The following ST6GALNAC3 variants were observed in gnomAD, a reference collection of about 807,000 sequenced individuals.
The protein encoded by ST6GALNAC3 is alpha-N-acetylgalactosaminide alpha-2,6-sialyltransferase 3.
A neutral mutation model predicts 32.7 loss-of-function variants in ST6GALNAC3; 25 were observed. That is an observed-to-expected ratio of 0.76 (90% CI 0.56 to 1.07). The LOEUF is 1.07. ST6GALNAC3 is among the 50% of genes least tolerant of loss of function. ST6GALNAC3 has a pLI of 0.00. For missense variants in ST6GALNAC3, 355 were observed against 382.4 expected (o/e 0.93, Z 0.60); for synonymous variants, 129 against 133.1 (o/e 0.97, Z 0.21).
chr1:76,369,211 C>T (rs1570989420), intron 2 of ST6GALNAC3, among the ~76,000 whole-genome samples: 1 of 152,024 alleles, frequency 6.6e-6, no homozygotes, highest in East Asian at 1.9e-4. Flanking sequence ...GGAAGACTTA[C>T]TTCCCAGGAA....
Position 76,343,745 on chromosome 1 carries a change from A to G in ST6GALNAC3, c.213+29746A>G, listed in dbSNP as rs148494043. On this transcript the variant is annotated intron_variant, in intron 2 of 4. Transcript: ENST00000328299. ...CAAAACAAGTCCTTCTAGCTTCAAA[A>G]TGCTTTGATATTCTTTGTCTTTTAT... Among the ~76,000 whole-genome samples, 924 of 152,342 alleles carry G rather than the reference A, an allele frequency of 6.1e-3. 4 individuals are homozygous for G. Among genetic ancestry groups the G allele is most frequent in the African/African-American group, 0.021 (877 of 41,590 alleles).
At chr1:76,394,303 C>A (rs1652779798) in intron 2 of ST6GALNAC3, among the ~76,000 whole-genome samples, 1 of 152,050 alleles carries the variant, frequency 6.6e-6, no homozygotes, top group South Asian at 2.1e-4. Flanking sequence ...TCTTAAAATA[C>A]CTTAAGTCTT....
chr1:76,206,719 G>A (rs1010160521), intron 1 of ST6GALNAC3, among the ~76,000 whole-genome samples: 10 of 151,634 alleles, frequency 6.6e-5, no homozygotes, highest in African/African-American at 1.2e-4. Flanking sequence ...GCGATAGAGC[G>A]AGACTCTGTC....
intron 1 of ST6GALNAC3, among the ~76,000 whole-genome samples, chr1:76,158,822 C>A (rs1352127060): frequency 6.6e-6 from 1 of 152,124 alleles, no homozygotes; most frequent in Non-Finnish European, 1.5e-5. Context: ...GTAATGTGAA[C>A]CATACACTCC....
intron 1 of ST6GALNAC3, among the ~76,000 whole-genome samples, chr1:76,171,808 A>AAAC (rs202123836): frequency 5.5e-5 from 5 of 90,468 alleles, no homozygotes; most frequent in African/African-American, 1.9e-4. Context: ...TAGCCTACCA[A>AAAC]AACAACAACA....
intron 1 of ST6GALNAC3, among the ~76,000 whole-genome samples, chr1:76,284,945 T>G (rs1659695124): frequency 6.6e-6 from 1 of 152,008 alleles, no homozygotes; most frequent in South Asian, 2.1e-4. Context: ...AGGGTGTGGA[T>G]AGGTGTTTCT....
At chr1:76,454,856 T>C (rs1487735045) in intron 3 of ST6GALNAC3, among the ~76,000 whole-genome samples, 1 of 24,688 alleles carries the variant, frequency 4.1e-5, no homozygotes, top group Non-Finnish European at 1.3e-4. Context: ...AGTTTGAATA[T>C]GGAGTCTCTA....
At chr1:76,435,338 T>G (rs1189024025) in intron 3 of ST6GALNAC3, among the ~76,000 whole-genome samples, 1 of 152,170 alleles carries the variant, frequency 6.6e-6, no homozygotes, top group East Asian at 1.9e-4. Context: ...AAACAAATGA[T>G]TAAATATATG....
At chr1:76,494,043 CATAGTAGA>C (rs1660655921) in intron 3 of ST6GALNAC3, among the ~76,000 whole-genome samples, 1 of 152,126 alleles carries the variant, frequency 6.6e-6, no homozygotes, top group African/African-American at 2.4e-5. Context: ...AAGTTTTTCA[CATAGTAGA>C]ATATATTGTC....
intron 2 of ST6GALNAC3, among the ~76,000 whole-genome samples, chr1:76,321,622 A>G (rs936224993): frequency 1.3e-5 from 2 of 152,134 alleles, no homozygotes; most frequent in African/African-American, 4.8e-5. Context: ...GCACTCTCAA[A>G]CCTGCTGGGG....
Position 76,122,128 on chromosome 1 carries a change from T to A in ST6GALNAC3, c.18+47244T>A, listed in dbSNP as rs568493938. Among the ~76,000 whole-genome samples the A allele has an allele frequency of 5.9e-5, 9 of 152,326 alleles. No homozygotes were observed. In the East Asian group the frequency reaches 1.7e-3, roughly 29 times the overall value. ...GTATATAGTGCTTGTAAGTGTATCA[T>A]CTACCTTTCTCCCTCAGAGGGTAGT... On this transcript the variant is annotated intron_variant, in intron 1 of 4. Transcript: ENST00000328299.
intron 3 of ST6GALNAC3, among the ~76,000 whole-genome samples, chr1:76,590,649 T>A (rs1402418682): frequency 6.6e-6 from 1 of 152,230 alleles, no homozygotes; most frequent in East Asian, 1.9e-4. Context: ...AGGCATTCAA[T>A]GTGAATAATA....
In ST6GALNAC3 at chr1:76,378,664, C is replaced by G. The variant is rs547385877; in HGVS notation, c.214-33344C>G. Among the ~76,000 whole-genome samples the G allele has an allele frequency of 6.1e-4, 62 of 101,740 alleles. No homozygotes were observed. The Middle Eastern group carries it at 0.013, about 22-fold the overall frequency. The allele number at this position is 101,740 out of a possible 152,430, so 66.7% of individuals were successfully genotyped here. A position where few individuals can be genotyped will look rare whatever the true frequency, so the allele number is the denominator to read the frequency against. On this transcript the variant is annotated intron_variant, in intron 2 of 4. Coordinates refer to ENST00000328299, the MANE Select transcript of ST6GALNAC3 (RefSeq NM_152996.4). The stretch of plus-strand genomic sequence containing the variant: ...GCAAGAAGAACGAAATTCCTTCCCC[C>G]CCCCAAAAAAAAAAATTAAAAATTT...
At chr1:76,328,435 G>A (rs1647122131) in intron 2 of ST6GALNAC3, among the ~76,000 whole-genome samples, 1 of 152,096 alleles carries the variant, frequency 6.6e-6, no homozygotes, top group African/African-American at 2.4e-5. Flanking sequence ...GGTGCTGATA[G>A]GAATAACAGC....
At chr1:76,126,219 C>T (rs1341988582) in intron 1 of ST6GALNAC3, among the ~76,000 whole-genome samples, 1 of 152,134 alleles carries the variant, frequency 6.6e-6, no homozygotes, top group Non-Finnish European at 1.5e-5. Context: ...TTTTTTCTCT[C>T]CCTGCCCGTC....
chr1:76,206,702 C>T (rs1371969379), intron 1 of ST6GALNAC3, among the ~76,000 whole-genome samples: 1 of 151,886 alleles, frequency 6.6e-6, no homozygotes, highest in South Asian at 2.1e-4. Context: ...CACTGCACTC[C>T]AGCCTGGCGA....
chr1:76,199,276 G>A (rs1654390029), intron 1 of ST6GALNAC3, among the ~76,000 whole-genome samples: 1 of 152,190 alleles, frequency 6.6e-6, no homozygotes, highest in Non-Finnish European at 1.5e-5. Flanking sequence ...GACAGATGCT[G>A]TAACTTAAAA....
intron 3 of ST6GALNAC3, among the ~76,000 whole-genome samples, chr1:76,604,833 A>T (rs981408447): frequency 6.6e-6 from 1 of 151,494 alleles, no homozygotes; most frequent in African/African-American, 2.4e-5. Flanking sequence ...CTTTAATTGG[A>T]CTCTTGCATC....
intron 2 of ST6GALNAC3, among the ~76,000 whole-genome samples, chr1:76,371,808 AG>A (rs144146914): frequency 1.4e-3 from 211 of 152,296 alleles, no homozygotes; most frequent in African/African-American, 5.0e-3. Flanking sequence ...TACATTTTGT[AG>A]GTCAACAACC....
Sources: gnomAD v4.1 joint callset for allele counts (sites outside exome capture counted in the v4.1 genomes callset) on GRCh38, gnomAD v4.1.1 for gene constraint, MANE v1.5 for transcripts, NCBI Gene and HGNC (gene_info 2026-07-23, HGNC 2026-07-21) for gene names.